The following H3C8 variants were observed in gnomAD, a reference collection of about 807,000 sequenced individuals.
The protein encoded by H3C8 is H3 clustered histone 8.
In H3C8, 15 loss-of-function variants were observed where a neutral mutation model predicts 7.9. The observed-to-expected ratio is 1.90, with a 90% CI of 1.27 to 2.93. H3C8 has a LOEUF of 2.93. H3C8 is among the 30% of genes most tolerant of loss of function. The probability of loss-of-function intolerance (pLI) is 0.00; values close to 1 mark genes in which losing one functional copy is unlikely to be tolerated. For missense variants in H3C8, 230 were observed against 190.4 expected (o/e 1.21, Z -1.23); for synonymous variants, 143 against 77.6 (o/e 1.84, Z -4.43).
chr6:26,270,929 TAA>T lies in H3C8; in HGVS notation c.*43_*44del, dbSNP rs752329734. 2 of 1,584,778 alleles carry T rather than the reference TAA, an allele frequency of 1.3e-6. No homozygotes were observed. Among genetic ancestry groups the T allele is most frequent in the Non-Finnish European group, 1.7e-6 (2 of 1,167,520 alleles). On this transcript the variant is annotated 3_prime_UTR_variant, in exon 1 of 1. Transcript: ENST00000614378. The stretch of plus-strand genomic sequence containing the variant: ...TTTTCGGGTGAAAGTAGGCGGCTCT[TAA>T]AAGAGCCTTTTTAAGTTGGATAGAA...
chr6:26,271,394 C>G lies in H3C8; in HGVS notation c.-10G>C. Reference sequence around the variant, plus strand: ...GCTTGGTGCGGGCCATCTCAGACTACCTGAAAGAAAAACTCAGCCACTTGG... The same window carrying G: ...GCTTGGTGCGGGCCATCTCAGACTAGCTGAAAGAAAAACTCAGCCACTTGG... On this transcript the variant is annotated 5_prime_UTR_variant, in exon 1 of 1. Coordinates refer to ENST00000614378, the MANE Select transcript of H3C8 (RefSeq NM_003534.3). 6.3e-7 allele frequency: 1 copy of G among 1,594,826 alleles called. No homozygotes were observed. The highest frequency in any genetic ancestry group is 8.5e-7 in the Non-Finnish European group (1 of 1,174,642).
Position 26,271,135 on chromosome 6 carries a change from G to T in H3C8, c.250C>A (p.Arg84Ser). The change falls in exon 1 of 1, where the codon CGC (arginine) becomes AGC (serine). Residue 84 changes from arginine to serine, a missense_variant. Coordinates refer to ENST00000614378, the MANE Select transcript of H3C8 (RefSeq NM_003534.3). ...GCCATCACCGCGGAACTCTGAAAGC[G>T]CAGATCTGTCTTGAAGTCCTGAGCG... ...EIAQDFKTDLRFQSSAVMALQ... is the reference protein window; with the variant it reads ...EIAQDFKTDLSFQSSAVMALQ... 6.2e-7 allele frequency: 1 copy of T among 1,614,244 alleles called. No homozygotes were observed.
chr6:26,271,283 G>A lies in H3C8; in HGVS notation c.102C>T (p.Gly34=), dbSNP rs1392568776. The stretch of plus-strand genomic sequence containing the variant: ...GGTAGCGATGAGGTTTCTTCACGCC[G>A]CCGGTGGCCGGCGCGCTTTTCCGAG... ...KAARKSAPAT[G]GVKKPHRYRP... Residue 34 remains glycine, a synonymous_variant, in exon 1 of 1, where the codon GGC becomes GGT. Coordinates refer to ENST00000614378, the MANE Select transcript of H3C8 (RefSeq NM_003534.3). 4 of 1,613,892 alleles carry A rather than the reference G, an allele frequency of 2.5e-6. No individual in the cohort carries two copies. In the Admixed American group the frequency reaches 5.0e-5, roughly 20 times the overall value.
Position 26,271,375 on chromosome 6 carries a change from T to C in H3C8, c.10A>G (p.Thr4Ala). The C allele has an allele frequency of 9.3e-6, 15 of 1,611,614 alleles. No homozygotes were observed. The highest frequency in any genetic ancestry group is 1.3e-5 in the Non-Finnish European group (15 of 1,179,376). MARTKQTARKSTGG... is the reference protein window; with the variant it reads MARAKQTARKSTGG... ...GTGGACTTGCGTGCAGTCTGCTTGGTGCGGGCCATCTCAGACTACCTGAAA... is the reference window on the plus strand; with the variant it reads ...GTGGACTTGCGTGCAGTCTGCTTGGCGCGGGCCATCTCAGACTACCTGAAA... The change falls in exon 1 of 1, where the codon ACC becomes GCC. Residue 4 changes from threonine (T) to alanine (A), a missense_variant. By Grantham distance (58) the Thr-to-Ala change is moderately conservative. Transcript: ENST00000614378.
chr6:26,270,954 G>T lies in H3C8; in HGVS notation c.*20C>A. 1.9e-6 allele frequency: 3 copies of T among 1,608,450 alleles called. No homozygotes were observed. Among genetic ancestry groups the T allele is most frequent in the Non-Finnish European group, 1.7e-6 (2 of 1,178,292 alleles). On this transcript the variant is annotated 3_prime_UTR_variant, in exon 1 of 1. Coordinates refer to ENST00000614378, the MANE Select transcript of H3C8 (RefSeq NM_003534.3). ...TAAAAGAGCCTTTTTAAGTTGGATAGAATTACTGCCCGGAAACCTCTACGC... is the reference window on the plus strand; with the variant it reads ...TAAAAGAGCCTTTTTAAGTTGGATATAATTACTGCCCGGAAACCTCTACGC...
rs1340708084 is a variant in H3C8, at chr6:26,271,206, T to TC, written c.178dup (p.Glu60GlyfsTer47). The TC allele has an allele frequency of 6.2e-7, 1 of 1,614,116 alleles. No homozygotes were observed. Among genetic ancestry groups the TC allele is most frequent in the Non-Finnish European group, 8.5e-7 (1 of 1,180,040 alleles). On this transcript the variant is annotated frameshift_variant, in exon 1 of 1. Coordinates refer to ENST00000614378, the MANE Select transcript of H3C8 (RefSeq NM_003534.3). LOFTEE classifies it high-confidence loss of function. Reference sequence around the variant, plus strand: ...GAAAGGCAACTTGCGGATCAGCAGCTCAGTCGACTTCTGATAGCGGCGAAT... The same window carrying TC: ...GAAAGGCAACTTGCGGATCAGCAGCTCCAGTCGACTTCTGATAGCGGCGAAT...
Position 26,271,274 on chromosome 6 carries a change from C to T in H3C8, c.111G>A (p.Lys37=), listed in dbSNP as rs769772127. Residue 37 remains lysine, a synonymous_variant, in exon 1 of 1, where the codon AAG becomes AAA. Coordinates refer to ENST00000614378, the MANE Select transcript of H3C8 (RefSeq NM_003534.3). ...TGCCGGGACGGTAGCGATGAGGTTT[C>T]TTCACGCCGCCGGTGGCCGGCGCGC... ...RKSAPATGGV[K]KPHRYRPGTV... 8.7e-6 allele frequency: 14 copies of T among 1,614,040 alleles called. No homozygotes were observed. The Admixed American group carries it at 1.2e-4, about 13-fold the overall frequency.
chr6:26,271,094 G>A lies in H3C8; in HGVS notation c.291C>T (p.Cys97=), dbSNP rs1337348824. The A allele has an allele frequency of 1.2e-6, 2 of 1,614,098 alleles. No individual in the cohort carries two copies. The highest frequency in any genetic ancestry group is 2.7e-5 in the African/African-American group (2 of 74,924). Residue 97 remains cysteine, a synonymous_variant, in exon 1 of 1, where the codon TGC becomes TGT. Coordinates refer to ENST00000614378, the MANE Select transcript of H3C8 (RefSeq NM_003534.3). ...SSAVMALQEA[C]EAYLVGLFED... is the part of the protein sequence containing the mutation. ...CAAAGAGCCCCACCAAGTAGGCCTC[G>A]CAGGCCTCCTGCAGGGCCATCACCG... is the stretch of plus-strand genomic sequence containing the variant.
Position 26,271,078 on chromosome 6 carries a change from C to G in H3C8, c.307G>C (p.Gly103Arg). The change falls in exon 1 of 1, where the codon GGG becomes CGG. Residue 103 changes from glycine to arginine, a missense_variant. Coordinates refer to ENST00000614378, the MANE Select transcript of H3C8 (RefSeq NM_003534.3). ...CACAGGTTGGTATCCTCAAAGAGCC[C>G]CACCAAGTAGGCCTCGCAGGCCTCC... ...LQEACEAYLVGLFEDTNLCAI... is the reference protein window; with the variant it reads ...LQEACEAYLVRLFEDTNLCAI... The G allele has an allele frequency of 2.5e-6, 4 of 1,614,212 alleles. No individual in the cohort carries two copies. The highest frequency in any genetic ancestry group is 3.4e-6 in the Non-Finnish European group (4 of 1,180,022).
rs1268814858 is a variant in H3C8, at chr6:26,271,050, G to A, written c.335C>T (p.Ala112Val). 2 of 1,614,202 alleles carry A rather than the reference G, an allele frequency of 1.2e-6. No homozygotes were observed. The highest frequency in any genetic ancestry group is 8.5e-7 in the Non-Finnish European group (1 of 1,180,012). The change falls in exon 1 of 1, where the codon GCC becomes GTC. Residue 112 changes from alanine (A) to valine (V), a missense_variant. Transcript: ENST00000614378. ...VGLFEDTNLC[A>V]IHAKRVTIMP... Reference sequence around the variant, plus strand: ...GATAGTCACTCGCTTAGCATGGATGGCACACAGGTTGGTATCCTCAAAGAG... The same window carrying A: ...GATAGTCACTCGCTTAGCATGGATGACACACAGGTTGGTATCCTCAAAGAG...
chr6:26,271,159 C>A lies in H3C8; in HGVS notation c.226G>T (p.Ala76Ser). The change falls in exon 1 of 1, where the codon GCT (alanine) becomes TCT (serine). Residue 76 changes from alanine (A) to serine (S), a missense_variant. Transcript: ENST00000614378. ...LPFQRLVREI[A>S]QDFKTDLRFQ... ...CGCAGATCTGTCTTGAAGTCCTGAG[C>A]GATTTCTCGCACCAGGCGTTGGAAA... 1 of 1,614,256 alleles carries A rather than the reference C, an allele frequency of 6.2e-7. No homozygotes were observed. Among genetic ancestry groups the A allele is most frequent in the Non-Finnish European group, 8.5e-7 (1 of 1,180,042 alleles).
In H3C8 at chr6:26,271,173, A is replaced by C; in HGVS notation, c.212T>G (p.Leu71Arg). Reference protein sequence around the residue: ...LLIRKLPFQRLVREIAQDFKT... With the variant: ...LLIRKLPFQRRVREIAQDFKT... ...GAAGTCCTGAGCGATTTCTCGCACCAGGCGTTGGAAAGGCAACTTGCGGAT... is the reference window on the plus strand; with the variant it reads ...GAAGTCCTGAGCGATTTCTCGCACCCGGCGTTGGAAAGGCAACTTGCGGAT... The change falls in exon 1 of 1, where the codon CTG (leucine) becomes CGG (arginine). Residue 71 changes from leucine to arginine, a missense_variant. Physicochemically the swap from Leu to Arg is moderately radical, Grantham distance 102. Coordinates refer to ENST00000614378, the MANE Select transcript of H3C8 (RefSeq NM_003534.3). 1 of 1,614,268 alleles carries C rather than the reference A, an allele frequency of 6.2e-7. No homozygotes were observed.
Position 26,271,351 on chromosome 6 carries a change from T to A in H3C8, c.34A>T (p.Thr12Ser). Residue 12 changes from threonine to serine, a missense_variant, in exon 1 of 1, where the codon ACC becomes TCC. By Grantham distance (58) the Thr-to-Ser change is moderately conservative. Coordinates refer to ENST00000614378, the MANE Select transcript of H3C8 (RefSeq NM_003534.3). ...ARTKQTARKSTGGKAPRKQLA... is the reference protein window; with the variant it reads ...ARTKQTARKSSGGKAPRKQLA... ...TGCTTGCGCGGCGCTTTGCCACCGGTGGACTTGCGTGCAGTCTGCTTGGTG... is the reference window on the plus strand; with the variant it reads ...TGCTTGCGCGGCGCTTTGCCACCGGAGGACTTGCGTGCAGTCTGCTTGGTG... 6.2e-7 allele frequency: 1 copy of A among 1,613,608 alleles called. No individual in the cohort carries two copies. The highest frequency in any genetic ancestry group is 2.2e-5 in the East Asian group (1 of 44,874).
Position 26,271,301 on chromosome 6 carries a change from T to C in H3C8, c.84A>G (p.Lys28=). The C allele has an allele frequency of 6.2e-7, 1 of 1,613,926 alleles. No individual in the cohort carries two copies. Among genetic ancestry groups the C allele is most frequent in the Non-Finnish European group, 8.5e-7 (1 of 1,179,976 alleles). The change falls in exon 1 of 1, where the codon AAA becomes AAG. Residue 28 remains lysine, a synonymous_variant. Transcript: ENST00000614378. The part of the protein sequence containing the change: ...RKQLATKAAR[K]SAPATGGVKK... ...TCACGCCGCCGGTGGCCGGCGCGCT[T>C]TTCCGAGCCGCCTTAGTGGCCAGCT...
In H3C8 at chr6:26,271,043, A is replaced by G; in HGVS notation, c.342T>C (p.His114=). 2 of 1,614,234 alleles carry G rather than the reference A, an allele frequency of 1.2e-6. No homozygotes were observed. The highest frequency in any genetic ancestry group is 1.3e-5 in the African/African-American group (1 of 75,054). The change falls in exon 1 of 1, where the codon CAT becomes CAC. Residue 114 remains histidine (H), a synonymous_variant. Transcript: ENST00000614378. ...LFEDTNLCAI[H]AKRVTIMPKD... is the part of the protein sequence containing the mutation. ...TGGGCATGATAGTCACTCGCTTAGC[A>G]TGGATGGCACACAGGTTGGTATCCT...
chr6:26,270,988 C>T lies in H3C8; in HGVS notation c.397G>A (p.Gly133Arg). 2 of 1,614,202 alleles carry T rather than the reference C, an allele frequency of 1.2e-6. No homozygotes were observed. Among genetic ancestry groups the T allele is most frequent in the Non-Finnish European group, 1.7e-6 (2 of 1,180,028 alleles). The change falls in exon 1 of 1, where the codon GGG (glycine) becomes AGG (arginine). Residue 133 changes from glycine to arginine, a missense_variant. Gly to Arg is a moderately radical substitution (Grantham distance 125). Coordinates refer to ENST00000614378, the MANE Select transcript of H3C8 (RefSeq NM_003534.3). ...KDIQLARRIR[G>R]ERA The stretch of plus-strand genomic sequence containing the variant: ...CCCGGAAACCTCTACGCTCTCTCCC[C>T]ACGAATGCGGCGAGCGAGCTGAATG...
At position 26,270,992 on chromosome 6, in the gene H3C8, A is replaced by C. The variant is rs1254436176; in HGVS notation, c.393T>G (p.Ile131Met). 1 of 1,614,086 alleles carries C rather than the reference A, an allele frequency of 6.2e-7. No individual in the cohort carries two copies. The highest frequency in any genetic ancestry group is 1.3e-5 in the African/African-American group (1 of 74,936). ...MPKDIQLARR[I>M]RGERA ...GAAACCTCTACGCTCTCTCCCCACG[A>C]ATGCGGCGAGCGAGCTGAATGTCCT... is the stretch of plus-strand genomic sequence containing the variant. Residue 131 changes from isoleucine to methionine, a missense_variant, in exon 1 of 1, where the codon ATT (isoleucine) becomes ATG (methionine). Coordinates refer to ENST00000614378, the MANE Select transcript of H3C8 (RefSeq NM_003534.3).
rs1491439284 is a variant in H3C8, at chr6:26,270,933, A to ATTT, written c.*40_*41insAAA. ...CGGGTGAAAGTAGGCGGCTCTTAAA[A>ATTT]GAGCCTTTTTAAGTTGGATAGAATT... On this transcript the variant is annotated 3_prime_UTR_variant, in exon 1 of 1. Transcript: ENST00000614378. 1.3e-6 allele frequency: 2 copies of ATTT among 1,586,376 alleles called. No homozygotes were observed. The highest frequency in any genetic ancestry group is 4.5e-5 in the East Asian group (2 of 44,674).
In H3C8 at chr6:26,271,122, G is replaced by T. The variant is rs532386575; in HGVS notation, c.263C>A (p.Ser88Tyr). ...DFKTDLRFQSSAVMALQEACE... is the reference protein window; with the variant it reads ...DFKTDLRFQSYAVMALQEACE... ...GGCCTCCTGCAGGGCCATCACCGCG[G>T]AACTCTGAAAGCGCAGATCTGTCTT... Residue 88 changes from serine to tyrosine, a missense_variant, in exon 1 of 1, where the codon TCC becomes TAC. Coordinates refer to ENST00000614378, the MANE Select transcript of H3C8 (RefSeq NM_003534.3). The T allele has an allele frequency of 6.2e-7, 1 of 1,614,256 alleles. No individual in the cohort carries two copies. The highest frequency in any genetic ancestry group is 8.5e-7 in the Non-Finnish European group (1 of 1,180,044).
Sources: allele counts gnomAD v4.1 joint callset, GRCh38; gene constraint gnomAD v4.1.1; transcripts MANE v1.5; gene names NCBI Gene and HGNC (gene_info 2026-07-23, HGNC 2026-07-21).